The following BCAS3 variants were observed in gnomAD, a reference collection of about 807,000 sequenced individuals.
The protein encoded by BCAS3 is BCAS3 microtubule associated cell migration factor.
BCAS3 carries 53 observed loss-of-function variants against 116.1 expected under a neutral mutation model. The observed-to-expected ratio is 0.46, with a 90% confidence interval of 0.37 to 0.57. BCAS3 has a LOEUF of 0.57. BCAS3 is among the 20% of genes least tolerant of loss of function. The pLI is 0.00. For missense variants in BCAS3, 917 were observed against 1,165.4 expected (o/e 0.79, Z 3.10); for synonymous variants, 391 against 408.2 (o/e 0.96, Z 0.51).
rs1309937743 is a variant in BCAS3 at position 61,098,304 on chromosome 17, G to A, written c.2425+13740G>A. 3.3e-5 allele frequency among the ~76,000 whole-genome samples: 5 copies of A among 152,268 alleles called. No homozygotes were observed. The highest frequency in any genetic ancestry group is 2.9e-5 in the Non-Finnish European group (2 of 68,012). On this transcript the variant is annotated intron_variant, in intron 22 of 23. Coordinates refer to ENST00000407086, the MANE Select transcript of BCAS3 (RefSeq NM_017679.5). This position sits in a 1 kb window ranked among gnomAD's most constrained non-coding sequence, Gnocchi z 4.2. ...TGGAGAGGAGAAAAATAGAGTCTTT[G>A]TCCCCCTTTCTGTTCTTAGTATTTA...
chr17:60,697,252 C>G (rs2035712437), intron 4 of BCAS3, among the ~76,000 whole-genome samples: 1 of 148,572 alleles, frequency 6.7e-6, no homozygotes, highest in Admixed American at 6.8e-5. Context: ...AAGAAAGAAG[C>G]AGGTTTGGGA....
At chr17:60,974,999 G>GTTTTTTTTTTTTTTTTTTTTTT (rs577462434) in intron 14 of BCAS3, among the ~76,000 whole-genome samples, 1 of 132,016 alleles carries the variant, frequency 7.6e-6, no homozygotes, top group African/African-American at 3.3e-5. Flanking sequence ...TTGCTTTTTT[G>GTTTTTTTTTTTTTTTTTTTTTT]TTTTTTTTTT....
chr17:60,919,165 A>G (rs1014852263), intron 12 of BCAS3, among the ~76,000 whole-genome samples: 1 of 151,906 alleles, frequency 6.6e-6, no homozygotes, highest in Non-Finnish European at 1.5e-5. Context: ...CTTCTTTAAT[A>G]TCATTATTTT....
intron 22 of BCAS3, among the ~76,000 whole-genome samples, chr17:61,172,861 A>G (rs953898028): frequency 2.1e-5 from 3 of 145,284 alleles, no homozygotes; most frequent in South Asian, 2.2e-4. Context: ...GGCGGTGGGC[A>G]CCTGTAGTCC....
intron 6 of BCAS3, among the ~76,000 whole-genome samples, chr17:60,767,890 T>C: frequency 6.6e-6 from 1 of 152,158 alleles, no homozygotes; most frequent in South Asian, 2.1e-4. Flanking sequence ...AGCTTTGACC[T>C]TTTGGGCTCA....
chr17:61,157,201 A>G (rs1379198928), intron 22 of BCAS3, among the ~76,000 whole-genome samples: 1 of 152,220 alleles, frequency 6.6e-6, no homozygotes, highest in African/African-American at 2.4e-5. Context: ...ATTTATCAAA[A>G]CAGAATTCAA....
In BCAS3 at chr17:61,056,229, G is replaced by T. The variant is rs2069369602; in HGVS notation, c.2029+15337G>T. On this transcript the variant is annotated intron_variant, in intron 19 of 23. Transcript: ENST00000407086. This position sits in a 1 kb window ranked among gnomAD's most constrained non-coding sequence, Gnocchi z 4.9. ...TTAGTGGCCAAAATAAAGATGGAAA[G>T]TAAGAAAACTGTCATGTCCAGAGCT... Among the ~76,000 whole-genome samples, 1 of 152,222 alleles carries T rather than the reference G, an allele frequency of 6.6e-6. No individual in the cohort carries two copies. Among genetic ancestry groups the T allele is most frequent in the Admixed American group, 6.5e-5 (1 of 15,280 alleles).
Position 61,084,521 on chromosome 17 carries a change from C to T in BCAS3, c.2382C>T (p.Val794=), listed in dbSNP as rs2072919987. ...PVSMPGSSRP[V]SDRRGVSTVI... is the part of the protein sequence containing the mutation. Reference sequence around the variant, plus strand: ...GCATGCCAGGGTCATCCCGTCCAGTCTCTGATCGAAGGGGAGTTTCCACAG... The same window carrying T: ...GCATGCCAGGGTCATCCCGTCCAGTTTCTGATCGAAGGGGAGTTTCCACAG... The change falls in exon 22 of 24, where the codon GTC becomes GTT. Residue 794 remains valine, a synonymous_variant. Coordinates refer to ENST00000407086, the MANE Select transcript of BCAS3 (RefSeq NM_017679.5). This position sits in a 1 kb window ranked among gnomAD's most constrained non-coding sequence, Gnocchi z 5.5. 1 of 1,614,054 alleles carries T rather than the reference C, an allele frequency of 6.2e-7. No homozygotes were observed. Among genetic ancestry groups the T allele is most frequent in the African/African-American group, 1.3e-5 (1 of 74,946 alleles).
intron 5 of BCAS3, among the ~76,000 whole-genome samples, chr17:60,728,574 G>A (rs1674787905): frequency 6.6e-6 from 1 of 151,872 alleles, no homozygotes; most frequent in East Asian, 1.9e-4. Context: ...CCACCTCCTG[G>A]GTTCAAGTGA....
At chr17:61,025,123 A>G (rs568639421) in intron 16 of BCAS3, among the ~76,000 whole-genome samples, 1 of 152,224 alleles carries the variant, frequency 6.6e-6, no homozygotes, top group East Asian at 1.9e-4. Context: ...TCCTTTTCCT[A>G]TCATTTCAGA....
At chr17:60,724,736 T>A (rs7211420) in intron 5 of BCAS3, among the ~76,000 whole-genome samples, 4,517 of 150,910 alleles carry the variant, frequency 0.03, 218 homozygotes, top group African/African-American at 0.1. Flanking sequence ...AAAAAAAAAT[T>A]CATTTTCTTT....
At chr17:60,743,217 G>T (rs2041744309) in intron 5 of BCAS3, among the ~76,000 whole-genome samples, 1 of 151,822 alleles carries the variant, frequency 6.6e-6, no homozygotes. Context: ...AATTTCATAA[G>T]CATAGTAATG....
intron 7 of BCAS3, among the ~76,000 whole-genome samples, chr17:60,838,490 A>G (rs999129062): frequency 1.3e-5 from 2 of 151,732 alleles, no homozygotes; most frequent in South Asian, 2.1e-4. Context: ...AGCAAATACT[A>G]TAAGACCCCC....
Position 61,041,362 on chromosome 17 carries a change from G to A in BCAS3, c.2029+470G>A, listed in dbSNP as rs2067492271. Among the ~76,000 whole-genome samples the A allele has an allele frequency of 6.6e-6, 1 of 152,068 alleles. No homozygotes were observed. Among genetic ancestry groups the A allele is most frequent in the African/African-American group, 2.4e-5 (1 of 41,430 alleles). On this transcript the variant is annotated intron_variant, in intron 19 of 23. Coordinates refer to ENST00000407086, the MANE Select transcript of BCAS3 (RefSeq NM_017679.5). This position sits in a 1 kb window ranked among gnomAD's most constrained non-coding sequence, Gnocchi z 4.7. ...TGAGGTAAAGATTTCAACTACATTT[G>A]TTAATTTGTTTGTTTACTTATATGT... is the stretch of plus-strand genomic sequence containing the variant.
intron 22 of BCAS3, among the ~76,000 whole-genome samples, chr17:61,137,811 G>C (rs1337486368): frequency 6.6e-6 from 1 of 152,172 alleles, no homozygotes; most frequent in Non-Finnish European, 1.5e-5. Flanking sequence ...ATTATCAGTA[G>C]AACAGCCCAT....
At chr17:60,999,546 C>CAAAAAA (rs1021249439) in intron 15 of BCAS3, among the ~76,000 whole-genome samples, 26 of 62,558 alleles carry the variant, frequency 4.2e-4, no homozygotes, top group South Asian at 1.2e-3. Context: ...GACTGTGTCT[C>CAAAAAA]AAAAAAAAAA....
intron 22 of BCAS3, among the ~76,000 whole-genome samples, chr17:61,103,627 C>G (rs1477855599): frequency 6.6e-6 from 1 of 152,190 alleles, no homozygotes. Context: ...AGATCACTCT[C>G]CTGAGCATGT....
At chr17:60,704,470 C>T (rs1209159644) in intron 4 of BCAS3, among the ~76,000 whole-genome samples, 3 of 152,124 alleles carry the variant, frequency 2.0e-5, no homozygotes, top group Non-Finnish European at 4.4e-5. Context: ...CAGTGGGAAC[C>T]CTTTTTCTGG....
At chr17:60,724,973 T>C (rs1294168130) in intron 5 of BCAS3, among the ~76,000 whole-genome samples, 2 of 152,036 alleles carry the variant, frequency 1.3e-5, no homozygotes, top group Non-Finnish European at 2.9e-5. Context: ...TGCCTCAGAC[T>C]CCTGAGCAAC....
Sources: gnomAD v4.1 joint callset for allele counts (sites outside exome capture counted in the v4.1 genomes callset) on GRCh38, gnomAD v4.1.1 for gene constraint, Gnocchi (gnomAD v3.1) non-coding constraint, MANE v1.5 for transcripts, NCBI Gene and HGNC (gene_info 2026-07-23, HGNC 2026-07-21) for gene names.